The following SLC25A24 variants were observed in gnomAD, a reference collection of about 807,000 sequenced individuals.
SLC25A24 encodes the protein solute carrier family 25 member 24.
In SLC25A24, 49 loss-of-function variants were observed where a neutral mutation model predicts 60.7. That is an observed-to-expected ratio of 0.81 (90% CI 0.64 to 1.02). SLC25A24 has a LOEUF of 1.02. Ranked by LOEUF, SLC25A24 falls within the 50% of genes least tolerant of loss-of-function variation. The pLI is 0.00. For missense variants in SLC25A24, 564 were observed against 586.3 expected, an observed-to-expected ratio of 0.96 and a Z score of 0.39; for synonymous variants, 202 against 200.6, an observed-to-expected ratio of 1.01 and a Z score of -0.06.
chr1:108,148,325 C>T lies in SLC25A24; in HGVS notation c.884G>A (p.Gly295Asp). ...KIGTFERFIS[G>D]SMAGATAQTF... ...CTGTGCAGTTGCTCCAGCCATGGAA[C>T]CAGAAATAAATCTCTCAAATGTTCC... is the stretch of plus-strand genomic sequence containing the variant. Residue 295 changes from glycine to aspartate, a missense_variant, in exon 7 of 10, where the codon GGT becomes GAT. Physicochemically the swap from Gly to Asp is moderately conservative, Grantham distance 94 (BLOSUM62 -1). Coordinates refer to ENST00000565488, the MANE Select transcript of SLC25A24 (RefSeq NM_013386.5). 1 of 1,613,152 alleles carries T rather than the reference C, an allele frequency of 6.2e-7. No individual in the cohort carries two copies. The highest frequency in any genetic ancestry group is 8.5e-7 in the Non-Finnish European group (1 of 1,179,170).
chr1:108,193,815 T>C (rs1197356069), intron 1 of SLC25A24, among the ~76,000 whole-genome samples: 5 of 139,270 alleles, frequency 3.6e-5, no homozygotes, highest in African/African-American at 1.2e-4. Context: ...GATCTCAAAA[T>C]AGGCAAAAGT....
intron 9 of SLC25A24, among the ~76,000 whole-genome samples, chr1:108,137,508 C>A (rs997854463): frequency 6.6e-6 from 1 of 152,146 alleles, no homozygotes; most frequent in African/African-American, 2.4e-5. Flanking sequence ...AGAGAGTGAA[C>A]AAAGTGGGGC....
chr1:108,167,238 C>A (rs2101624915), intron 3 of SLC25A24, among the ~76,000 whole-genome samples: 1 of 151,328 alleles, frequency 6.6e-6, no homozygotes, highest in East Asian at 2.0e-4. Flanking sequence ...TTACTGCTGT[C>A]TTTTTGTTTG....
At position 108,148,291 on chromosome 1, in the gene SLC25A24, T is replaced by C. The variant is rs1364005877; in HGVS notation, c.918A>G (p.Ile306Met). 3 of 1,597,942 alleles carry C rather than the reference T, an allele frequency of 1.9e-6. No individual in the cohort carries two copies. The highest frequency in any genetic ancestry group is 1.7e-5 in the Admixed American group (1 of 59,968). The change falls in exon 7 of 10, where the codon ATA becomes ATG. Residue 306 changes from isoleucine (I) to methionine (M), a missense_variant. By Grantham distance (10) the Ile-to-Met change is conservative (BLOSUM62 1). Coordinates refer to ENST00000565488, the MANE Select transcript of SLC25A24 (RefSeq NM_013386.5). Reference sequence around the variant, plus strand: ...CAATGGTACTCACCTCCATTGGATATATAAAAGTCTGTGCAGTTGCTCCAG... The same window carrying C: ...CAATGGTACTCACCTCCATTGGATACATAAAAGTCTGTGCAGTTGCTCCAG... ...SMAGATAQTFIYPMEVMKTRL... is the reference protein window; with the variant it reads ...SMAGATAQTFMYPMEVMKTRL...
chr1:108,163,446 T>G (rs897075723), intron 3 of SLC25A24, among the ~76,000 whole-genome samples: 12 of 150,422 alleles, frequency 8.0e-5, no homozygotes, highest in Admixed American at 2.6e-4. Context: ...GTTCTTCCAT[T>G]TGTTTGTATC....
chr1:108,165,677 CTA>C (rs1680232604), intron 3 of SLC25A24, among the ~76,000 whole-genome samples: 1 of 152,078 alleles, frequency 6.6e-6, no homozygotes, highest in Non-Finnish European at 1.5e-5. Flanking sequence ...TATTTTGAGT[CTA>C]TGTGTGTCTC....
Position 108,193,599 on chromosome 1 carries a change from T to C in SLC25A24, c.183+6357A>G, listed in dbSNP as rs752624597. Among the ~76,000 whole-genome samples the C allele has an allele frequency of 3.6e-5, 5 of 139,870 alleles. 1 individual carries two copies. The highest frequency in any genetic ancestry group is 6.3e-5 in the Non-Finnish European group (4 of 63,800). The allele number at this position is 139,870 out of a possible 152,430, so 91.8% of individuals were successfully genotyped here. ...AATCTGCTGCTGATGGGTACCTACA[T>C]TGTGTTGTAGGAATCCTTTTCTAAG... On this transcript the variant is annotated intron_variant, in intron 1 of 9. Coordinates refer to ENST00000565488, the MANE Select transcript of SLC25A24 (RefSeq NM_013386.5).
intron 4 of SLC25A24, 23 bp downstream of exon 4, chr1:108,161,159 A>G: frequency 8.0e-7 from 1 of 1,248,864 alleles, no homozygotes; most frequent in Non-Finnish European, 1.2e-6. Flanking sequence ...CCAAATAAGT[A>G]TAAATACATA....
At chr1:108,155,620 T>TTTAC (rs1378653870) in intron 5 of SLC25A24, among the ~76,000 whole-genome samples, 1 of 152,104 alleles carries the variant, frequency 6.6e-6, no homozygotes, top group African/African-American at 2.4e-5. Context: ...ACATGAACTG[T>TTTAC]AAATGGGTCT....
At position 108,192,822 on chromosome 1, in the gene SLC25A24, G is replaced by A. The variant is rs1009395285; in HGVS notation, c.184-6868C>T. ...GAGGGCTCATCCTAACGGCTTCAGC[G>A]CAAAGGCGCGAGCGCGCAGGACCCG... On this transcript the variant is annotated intron_variant, in intron 1 of 9. Transcript: ENST00000565488. 17 of 1,216,460 alleles carry A rather than the reference G, an allele frequency of 1.4e-5. 2 individuals are homozygous for A. Among genetic ancestry groups the A allele is most frequent in the Non-Finnish European group, 1.7e-5 (16 of 960,206 alleles). 75.4% of individuals were successfully genotyped at this position (1,216,460 alleles called of 1,614,324 possible). A position where few individuals can be genotyped will look rare whatever the true frequency, so the allele number is the denominator to read the frequency against.
In SLC25A24 at chr1:108,136,777, T is replaced by C. The variant is rs1357512933; in HGVS notation, c.1310A>G (p.Lys437Arg). 2 of 1,614,082 alleles carry C rather than the reference T, an allele frequency of 1.2e-6. No homozygotes were observed. Among genetic ancestry groups the C allele is most frequent in the Admixed American group, 1.7e-5 (1 of 60,020 alleles). Reference sequence around the variant, plus strand: ...TCTGTAAAGTCCTGGTATTCCTTCTTTGGAAATAATTCGTCGAAAGAGGCC... The same window carrying C: ...TCTGTAAAGTCCTGGTATTCCTTCTCTGGAAATAATTCGTCGAAAGAGGCC... ...MVGLFRRIIS[K>R]EGIPGLYRGI... The change falls in exon 10 of 10, where the codon AAA (lysine) becomes AGA (arginine). Residue 437 changes from lysine to arginine, a missense_variant. Lys to Arg is a conservative substitution (Grantham distance 26). Transcript: ENST00000565488.
At chr1:108,159,545 G>A (rs1679998393) in intron 4 of SLC25A24, among the ~76,000 whole-genome samples, 1 of 149,266 alleles carries the variant, frequency 6.7e-6, no homozygotes, top group South Asian at 2.1e-4. Context: ...GGACAATAGT[G>A]GAGGGAAGGT....
intron 8 of SLC25A24, among the ~76,000 whole-genome samples, chr1:108,141,027 C>G (rs527320578): frequency 6.6e-6 from 1 of 152,206 alleles, no homozygotes; most frequent in South Asian, 2.1e-4. Context: ...ACAGAATCAA[C>G]TATACCTTAT....
chr1:108,164,262 T>G (rs1438550228), intron 3 of SLC25A24, among the ~76,000 whole-genome samples: 458 of 141,668 alleles, frequency 3.2e-3, no homozygotes, highest in South Asian at 4.2e-3. Context: ...TCTTTTTTTG[T>G]TGTGTCTCTG....
At chr1:108,155,227 C>A in intron 5 of SLC25A24, 92 bp from the exon 6 acceptor site, 1 of 1,040,172 alleles carries the variant, frequency 9.6e-7, no homozygotes, top group South Asian at 1.8e-5. Context: ...AATACCCTTT[C>A]TAACTGCAAG....
At chr1:108,184,558 C>A (rs983094522) in intron 2 of SLC25A24, among the ~76,000 whole-genome samples, 5 of 152,186 alleles carry the variant, frequency 3.3e-5, no homozygotes, top group African/African-American at 1.2e-4. Flanking sequence ...TTTGAAGGAA[C>A]TTGCTTTGAA....
At chr1:108,183,759 G>A (rs1648020644) in intron 2 of SLC25A24, among the ~76,000 whole-genome samples, 1 of 152,086 alleles carries the variant, frequency 6.6e-6, no homozygotes, top group African/African-American at 2.4e-5. Flanking sequence ...GCAAAAACTG[G>A]CACAAAACAG....
intron 3 of SLC25A24, among the ~76,000 whole-genome samples, chr1:108,170,407 C>T (rs1433024829): frequency 6.6e-6 from 1 of 152,076 alleles, no homozygotes; most frequent in Non-Finnish European, 1.5e-5. Flanking sequence ...ATACATGTTC[C>T]ATAAATACCT....
At chr1:108,190,564 T>A (rs1021839880) in intron 1 of SLC25A24, among the ~76,000 whole-genome samples, 3 of 152,204 alleles carry the variant, frequency 2.0e-5, no homozygotes, top group Non-Finnish European at 2.9e-5. Flanking sequence ...CTGACCATTA[T>A]CTCTTCGTAT....
Sources: gnomAD v4.1 joint callset for allele counts (sites outside exome capture counted in the v4.1 genomes callset) on GRCh38, gnomAD v4.1.1 for gene constraint, MANE v1.5 for transcripts, NCBI Gene and HGNC (gene_info 2026-07-23, HGNC 2026-07-21) for gene names.